Variants in NRXN1 observed in about 807,000 individuals in gnomAD.
NRXN1 encodes the protein neurexin 1, also known as neurexin-1.
A neutral mutation model predicts 150.9 loss-of-function variants in NRXN1; 39 were observed. The observed-to-expected ratio is 0.26, with a 90% CI of 0.20 to 0.34. NRXN1 has a LOEUF of 0.34. Ranked by LOEUF, NRXN1 falls within the 10% of genes least tolerant of loss-of-function variation. The pLI, the probability that NRXN1 is intolerant of heterozygous loss-of-function variation, is 1.00. For missense variants in NRXN1, 1,815 were observed against 1,949.9 expected (o/e 0.93, Z 1.30); for synonymous variants, 924 against 757.0 (o/e 1.22, Z -3.62).
At chr2:50,624,351 A>G (rs1204015545) in intron 5 of NRXN1, among the ~76,000 whole-genome samples, 1 of 152,150 alleles carries the variant, frequency 6.6e-6, no homozygotes, top group Admixed American at 6.6e-5. Flanking sequence ...TCTCCAGGGC[A>G]TGAATCAGGT....
At chr2:50,053,150 A>ATCCTCTT in intron 21 of NRXN1, 121 bp downstream of exon 21, 1 of 941,526 alleles carries the variant, frequency 1.1e-6, no homozygotes, top group Non-Finnish European at 1.7e-6. Context: ...CTAGTTTCAA[A>ATCCTCTT]GGAAGCTGTA....
chr2:50,048,138 A>G (rs909931597), intron 21 of NRXN1, among the ~76,000 whole-genome samples: 2 of 152,210 alleles, frequency 1.3e-5, no homozygotes, highest in African/African-American at 4.8e-5. Context: ...ACTGTTGCTT[A>G]CACGCATTTA....
chr2:50,679,630 C>T (rs963181534), intron 5 of NRXN1, among the ~76,000 whole-genome samples: 3 of 152,062 alleles, frequency 2.0e-5, no homozygotes, highest in Non-Finnish European at 4.4e-5. Flanking sequence ...AATTCCCTTA[C>T]TGGACTTACA....
intron 18 of NRXN1, among the ~76,000 whole-genome samples, chr2:50,219,882 TAC>T (rs1411999796): frequency 8.8e-6 from 1 of 113,152 alleles, no homozygotes; most frequent in African/African-American, 3.5e-5. Context: ...TGACTATATA[TAC>T]ATATATATAC....
At chr2:50,061,933 T>G (rs759179553) in intron 19 of NRXN1, among the ~76,000 whole-genome samples, 13 of 152,200 alleles carry the variant, frequency 8.5e-5, no homozygotes, top group Admixed American at 2.6e-4. Context: ...AATTAAGTAT[T>G]TTTGACAGGA....
At chr2:50,445,707 A>G (rs1451886935) in intron 17 of NRXN1, among the ~76,000 whole-genome samples, 1 of 152,184 alleles carries the variant, frequency 6.6e-6, no homozygotes, top group African/African-American at 2.4e-5. Flanking sequence ...ATAATTGTCA[A>G]CCTTAAGCAA....
rs563872947 is a variant in NRXN1 at position 50,899,461 on chromosome 2, A to G, written c.832+22408T>C. ...CCTCTGCCACATTAGAGGCCTTTTC[A>G]TTTTCTTCTCTCCAGACAAGGATTA... On this transcript the variant is annotated intron_variant, in intron 5 of 22. Transcript: ENST00000401669. Among the ~76,000 whole-genome samples, 30 of 152,140 alleles carry G rather than the reference A, an allele frequency of 2.0e-4. No individual in the cohort carries two copies. In the South Asian group the frequency reaches 6.0e-3, roughly 30 times the overall value.
At chr2:49,932,224 T>C (rs1305589104) in intron 22 of NRXN1, among the ~76,000 whole-genome samples, 1 of 152,108 alleles carries the variant, frequency 6.6e-6, no homozygotes. Flanking sequence ...CAGACTAGCC[T>C]GGGCAACAAA....
chr2:50,179,151 A>T (rs1020678755), intron 18 of NRXN1, among the ~76,000 whole-genome samples: 1 of 152,162 alleles, frequency 6.6e-6, no homozygotes, highest in Non-Finnish European at 1.5e-5. Flanking sequence ...ATGTCCTAAG[A>T]TATTTTAATA....
intron 2 of NRXN1, among the ~76,000 whole-genome samples, chr2:50,932,724 T>C (rs969879177): frequency 5.9e-5 from 9 of 151,928 alleles, no homozygotes; most frequent in African/African-American, 9.7e-5. Flanking sequence ...CAAAAATCTA[T>C]TGAAATAATT....
chr2:50,091,287 A>G (rs969807453), intron 19 of NRXN1, 36 bp downstream of exon 19: 2 of 1,612,634 alleles, frequency 1.2e-6, no homozygotes, highest in African/African-American at 1.3e-5. Context: ...TTTGTTTTTC[A>G]TAAAATCTTC....
At chr2:50,643,904 G>C (rs959271826) in intron 5 of NRXN1, among the ~76,000 whole-genome samples, 1 of 151,672 alleles carries the variant, frequency 6.6e-6, no homozygotes, top group South Asian at 2.1e-4. Flanking sequence ...TTTACAGTTT[G>C]TCAAGTCCCT....
chr2:50,456,846 A>G (rs959592866), intron 17 of NRXN1, among the ~76,000 whole-genome samples: 1 of 152,062 alleles, frequency 6.6e-6, no homozygotes, highest in African/African-American at 2.4e-5. Context: ...CCTCCGACTT[A>G]GTCTTTTTTT....
At chr2:50,660,288 A>C (rs1276934456) in intron 5 of NRXN1, among the ~76,000 whole-genome samples, 1 of 152,062 alleles carries the variant, frequency 6.6e-6, no homozygotes, top group Non-Finnish European at 1.5e-5. Flanking sequence ...ATAAATTGCA[A>C]GGTTAGAATA....
At chr2:50,993,216 T>C (rs1379364544) in intron 2 of NRXN1, among the ~76,000 whole-genome samples, 1 of 151,956 alleles carries the variant, frequency 6.6e-6, no homozygotes, top group Non-Finnish European at 1.5e-5. Flanking sequence ...AATATTTATA[T>C]TGGAAGATAT....
At chr2:50,246,558 C>T (rs7578664) in intron 17 of NRXN1, among the ~76,000 whole-genome samples, 19,431 of 151,982 alleles carry the variant, frequency 0.13, 1,361 homozygotes, top group African/African-American at 0.16. Context: ...ACTAGGCCCT[C>T]GTCAAAACCA....
intron 5 of NRXN1, among the ~76,000 whole-genome samples, chr2:50,832,454 A>T (rs1671538023): frequency 6.6e-6 from 1 of 152,108 alleles, no homozygotes; most frequent in South Asian, 2.1e-4. Context: ...GGAGTTCGAG[A>T]TCCACCTGGC....
intron 19 of NRXN1, among the ~76,000 whole-genome samples, chr2:50,058,069 C>T (rs1693924186): frequency 6.6e-6 from 1 of 152,138 alleles, no homozygotes; most frequent in Non-Finnish European, 1.5e-5. Flanking sequence ...CACATAAATA[C>T]ATTCACACAT....
intron 5 of NRXN1, among the ~76,000 whole-genome samples, chr2:50,896,408 C>G (rs183563712): frequency 7.5e-4 from 114 of 151,790 alleles, no homozygotes; most frequent in African/African-American, 2.7e-3. Context: ...TCTGCAGAGA[C>G]AAACAAGGAA....
Sources: allele counts gnomAD v4.1 joint callset (sites outside exome capture counted in the v4.1 genomes callset), GRCh38; gene constraint gnomAD v4.1.1; transcripts MANE v1.5; gene names NCBI Gene and HGNC (gene_info 2026-07-23, HGNC 2026-07-21).